Variants in SYTL3 observed in about 807,000 individuals in gnomAD.
SYTL3 encodes synaptotagmin-like protein 3.
In SYTL3, 88 loss-of-function variants were observed where a neutral mutation model predicts 82.1. That is an observed-to-expected ratio of 1.07 (90% confidence interval 0.90 to 1.28). The LOEUF (loss-of-function observed/expected upper bound fraction) is 1.28. SYTL3 is among the 50% of genes most tolerant of loss of function. The probability of loss-of-function intolerance (pLI) is 0.00; values close to 1 mark genes in which losing one functional copy is unlikely to be tolerated. For missense variants in SYTL3, 831 were observed against 757.6 expected (o/e 1.10, Z -1.14); for synonymous variants, 311 against 289.4 (o/e 1.07, Z -0.76).
chr6:158,670,916 C>T lies in SYTL3; in HGVS notation c.329+5303C>T, dbSNP rs892146663. ...CTCCTGGGTTCACGCCATTCTCCTG[C>T]CTCAGCCTCCCAAATAGCTGGGACT... On this transcript the variant is annotated intron_variant, in intron 5 of 17. Coordinates refer to ENST00000611299, the MANE Select transcript of SYTL3 (RefSeq NM_001242394.2). Among the ~76,000 whole-genome samples, 5 of 151,958 alleles carry T rather than the reference C, an allele frequency of 3.3e-5. No homozygotes were observed. In the East Asian group the frequency reaches 9.8e-4, roughly 30 times the overall value.
At chr6:158,693,820 G>A (rs952759979) in intron 6 of SYTL3, among the ~76,000 whole-genome samples, 15 of 146,754 alleles carry the variant, frequency 1.0e-4, no homozygotes, top group African/African-American at 2.1e-4. Context: ...TGGGATTACA[G>A]GTGTGCCACT....
At chr6:158,706,615 T>C (rs896724519) in intron 6 of SYTL3, among the ~76,000 whole-genome samples, 1 of 152,178 alleles carries the variant, frequency 6.6e-6, no homozygotes, top group African/African-American at 2.4e-5. Context: ...TCTCTTCCTA[T>C]GCATTTGGCC....
chr6:158,659,410 C>A (rs543236499), intron 2 of SYTL3, among the ~76,000 whole-genome samples: 1 of 152,098 alleles, frequency 6.6e-6, no homozygotes, highest in Non-Finnish European at 1.5e-5. Context: ...GGCTGGAGTG[C>A]GATGGTGCGA....
intron 10 of SYTL3, among the ~76,000 whole-genome samples, chr6:158,724,202 T>TCTCTTCCTCC (rs1562425711): frequency 6.6e-6 from 1 of 152,198 alleles, no homozygotes; most frequent in Admixed American, 6.5e-5. Flanking sequence ...CTCTTTCTTC[T>TCTCTTCCTCC]CTCTTCCTCC....
intron 5 of SYTL3, among the ~76,000 whole-genome samples, chr6:158,676,580 C>T (rs1407210869): frequency 5.9e-5 from 9 of 152,034 alleles, no homozygotes; most frequent in Non-Finnish European, 1.3e-4. Flanking sequence ...TAAAGAGCTT[C>T]TGCACAGCAA....
chr6:158,757,119 A>C, intron 13 of SYTL3, 92 bp from the exon 14 acceptor site: 3 of 1,248,564 alleles, frequency 2.4e-6, no homozygotes, highest in African/African-American at 1.5e-5. Flanking sequence ...GGCCCCGGGA[A>C]GTGGGGCCCT....
At chr6:158,685,405 GT>G (rs1473171927) in intron 6 of SYTL3, among the ~76,000 whole-genome samples, 3 of 152,008 alleles carry the variant, frequency 2.0e-5, no homozygotes, top group African/African-American at 4.8e-5. Context: ...TAGAGATGGA[GT>G]TTCACCTTGT....
chr6:158,687,400 A>G (rs1485262505), intron 6 of SYTL3, among the ~76,000 whole-genome samples: 2 of 152,118 alleles, frequency 1.3e-5, no homozygotes, highest in Non-Finnish European at 2.9e-5. Context: ...AGAGCCCACA[A>G]TATCTTTTAT....
At chr6:158,692,840 A>G (rs966866618) in intron 6 of SYTL3, among the ~76,000 whole-genome samples, 5 of 151,780 alleles carry the variant, frequency 3.3e-5, no homozygotes, top group Admixed American at 6.6e-5. Flanking sequence ...GGTCCCAGCC[A>G]CTCGGCAGGC....
chr6:158,700,545 T>C (rs1001843107), intron 6 of SYTL3, among the ~76,000 whole-genome samples: 1 of 150,546 alleles, frequency 6.6e-6, no homozygotes, highest in Non-Finnish European at 1.5e-5. Context: ...CATTTGGTTG[T>C]ACAGCTCAAA....
intron 11 of SYTL3, among the ~76,000 whole-genome samples, chr6:158,743,104 C>T (rs1787146924): frequency 6.6e-6 from 1 of 152,182 alleles, no homozygotes; most frequent in Non-Finnish European, 1.5e-5. Context: ...AGTCTCTTTG[C>T]CATTTCATTT....
At chr6:158,716,505 G>A (rs1043331925) in intron 9 of SYTL3, among the ~76,000 whole-genome samples, 5 of 152,116 alleles carry the variant, frequency 3.3e-5, no homozygotes, top group African/African-American at 4.8e-5. Context: ...GACCTGGTGC[G>A]TACTAGTGCC....
intron 2 of SYTL3, among the ~76,000 whole-genome samples, chr6:158,660,016 T>C (rs1789173226): frequency 6.6e-6 from 1 of 152,174 alleles, no homozygotes; most frequent in Admixed American, 6.5e-5. Flanking sequence ...GGTCCATGCC[T>C]ATAATCCCAA....
At chr6:158,667,359 T>G (rs944698354) in intron 5 of SYTL3, among the ~76,000 whole-genome samples, 2 of 152,176 alleles carry the variant, frequency 1.3e-5, no homozygotes, top group Non-Finnish European at 2.9e-5. Flanking sequence ...TCAAAATACT[T>G]AAGGTCATTG....
At position 158,764,577 on chromosome 6, in the gene SYTL3, GAC is replaced by G; in HGVS notation, c.1808_1809del (p.Thr603ArgfsTer10). The G allele has an allele frequency of 6.2e-7, 1 of 1,614,020 alleles. No homozygotes were observed. The highest frequency in any genetic ancestry group is 8.5e-7 in the Non-Finnish European group (1 of 1,179,920). On this transcript the variant is annotated frameshift_variant, in exon 18 of 18. Coordinates refer to ENST00000611299, the MANE Select transcript of SYTL3 (RefSeq NM_001242394.2). LOFTEE classifies it high-confidence loss of function. ...QKVLSSPNLWTDMTLVLH is the reference protein window; with the variant it reads ...QKVLSSPNLWXDMTLVLH ...AAGTCCTTTCCAGCCCCAATCTATG[GAC>G]AGACATGACTCTTGTCCTGCACTGA...
intron 6 of SYTL3, among the ~76,000 whole-genome samples, chr6:158,705,867 A>G (rs1373989240): frequency 1.3e-5 from 2 of 152,150 alleles, no homozygotes; most frequent in African/African-American, 4.8e-5. Flanking sequence ...GCTGTGCACC[A>G]GCTGTCTCCC....
intron 11 of SYTL3, among the ~76,000 whole-genome samples, chr6:158,730,287 G>A (rs541973903): frequency 3.3e-5 from 5 of 152,344 alleles, no homozygotes; most frequent in East Asian, 1.9e-4. Flanking sequence ...GACAAGCTGC[G>A]TAAAGGATAA....
At chr6:158,709,618 T>C (rs1157397035) in intron 8 of SYTL3, among the ~76,000 whole-genome samples, 1 of 152,196 alleles carries the variant, frequency 6.6e-6, no homozygotes, top group Admixed American at 6.5e-5. Context: ...GTCTTGGTTA[T>C]CTTCATTATT....
intron 12 of SYTL3, among the ~76,000 whole-genome samples, chr6:158,749,450 CTT>C (rs1388997719): frequency 6.0e-5 from 8 of 132,296 alleles, no homozygotes; most frequent in Non-Finnish European, 1.1e-4. Flanking sequence ...TTATGTAAAA[CTT>C]TGTGCTAATA....
Sources: gnomAD v4.1 joint callset for allele counts (sites outside exome capture counted in the v4.1 genomes callset) on GRCh38, gnomAD v4.1.1 for gene constraint, MANE v1.5 for transcripts, NCBI Gene and HGNC (gene_info 2026-07-23, HGNC 2026-07-21) for gene names.